Variants in IL7 observed in about 807,000 individuals in gnomAD.
The protein encoded by IL7 is interleukin 7, also known as interleukin-7.
In IL7, 3 loss-of-function variants were observed where a neutral mutation model predicts 21.6. The ratio of observed to expected loss-of-function variants is 0.14; its 90% CI spans 0.06 to 0.36. The LOEUF is 0.36. Ranked by LOEUF, IL7 falls within the 10% of genes least tolerant of loss-of-function variation. The pLI is 1.00. For synonymous variants in IL7, 62 were observed against 68.1 expected (o/e 0.91, Z 0.44); for missense variants, 175 against 200.2 (o/e 0.87, Z 0.76).
chr8:78,739,831 T>C (rs928047967), intron 3 of IL7, among the ~76,000 whole-genome samples, 171 bp downstream of exon 3: 3 of 152,154 alleles, frequency 2.0e-5, no homozygotes, highest in African/African-American at 7.2e-5. Flanking sequence ...CACAGGACTA[T>C]TTGTAAAACA....
At chr8:78,699,308 A>T (rs1810526141) in intron 3 of IL7, among the ~76,000 whole-genome samples, 1 of 152,164 alleles carries the variant, frequency 6.6e-6, no homozygotes, top group African/African-American at 2.4e-5. Context: ...AGATATTAAT[A>T]TAGAGCCATA....
At chr8:78,703,847 C>T (rs1563635825) in intron 3 of IL7, among the ~76,000 whole-genome samples, 2 of 152,064 alleles carry the variant, frequency 1.3e-5, no homozygotes, top group South Asian at 4.1e-4. Flanking sequence ...ATTTGGCAGA[C>T]TTGTTTATGT....
chr8:78,786,050 G>C (rs975722547), intron 2 of IL7, among the ~76,000 whole-genome samples: 1 of 152,172 alleles, frequency 6.6e-6, no homozygotes, highest in Non-Finnish European at 1.5e-5. Context: ...TGAGAAGAAG[G>C]TATAGAGATT....
intron 6 of IL7, chr8:78,718,953 CTTAGT>C (rs1304551479): frequency 1.3e-5 from 2 of 151,536 alleles, no homozygotes; most frequent in East Asian, 3.9e-4. Context: ...AATTTATTAG[CTTAGT>C]TTAGTTTGGG....
chr8:78,675,703 A>G, downstream of IL7: 3 of 1,282,460 alleles, frequency 2.3e-6, no homozygotes, highest in East Asian at 2.5e-5. Flanking sequence ...TAATTTACCT[A>G]TAAAACTAAG....
chr8:78,780,347 A>C (rs1813287847), intron 2 of IL7, among the ~76,000 whole-genome samples: 1 of 151,978 alleles, frequency 6.6e-6, no homozygotes, highest in African/African-American at 2.4e-5. Flanking sequence ...AGATCTTTCT[A>C]GCTTTTTAAT....
At chr8:78,763,272 A>G (rs1361795130) in intron 2 of IL7, among the ~76,000 whole-genome samples, 3 of 152,248 alleles carry the variant, frequency 2.0e-5, no homozygotes. Flanking sequence ...ATAAAAGTTA[A>G]TACCTTCAAA....
At chr8:78,727,008 A>G (rs762532905) in intron 3 of IL7, among the ~76,000 whole-genome samples, 2 of 151,998 alleles carry the variant, frequency 1.3e-5, no homozygotes, top group Non-Finnish European at 2.9e-5. Context: ...GGTTTGACAG[A>G]AGGTGCATAT....
downstream of IL7, chr8:78,717,307 A>AC (rs1192276243): frequency 6.3e-7 from 1 of 1,596,854 alleles, no homozygotes; most frequent in African/African-American, 1.4e-5. Context: ...TTATCTTTTC[A>AC]TTGTTTCTTT....
intron 2 of IL7, among the ~76,000 whole-genome samples, chr8:78,771,001 C>T (rs1333955082): frequency 2.6e-5 from 4 of 152,068 alleles, no homozygotes; most frequent in African/African-American, 9.7e-5. Context: ...CCACAACTTG[C>T]TGTCATAGAA....
chr8:78,784,605 T>C (rs1178501670), intron 2 of IL7, among the ~76,000 whole-genome samples: 1 of 152,126 alleles, frequency 6.6e-6, no homozygotes, highest in African/African-American at 2.4e-5. Flanking sequence ...AGTCAATAAA[T>C]ATTTATGAAG....
At chr8:78,803,798 C>T (rs1396739062) in intron 1 of IL7, among the ~76,000 whole-genome samples, 2 of 152,102 alleles carry the variant, frequency 1.3e-5, no homozygotes, top group Non-Finnish European at 2.9e-5. Context: ...CTTAGAAGTC[C>T]TCCATAATTA....
At chr8:78,687,510 A>G (rs1810030745) in intron 3 of IL7, among the ~76,000 whole-genome samples, 1 of 142,588 alleles carries the variant, frequency 7.0e-6, no homozygotes, top group South Asian at 2.1e-4. Context: ...AATAAATTAT[A>G]TATATTTATA....
At chr8:78,716,317 G>T (rs1226687319), downstream of IL7, among the ~76,000 whole-genome samples, 1 of 151,388 alleles carries the variant, frequency 6.6e-6, no homozygotes, top group South Asian at 2.1e-4. Flanking sequence ...TAGAGACGGG[G>T]TTTCACCATG....
intron 3 of IL7, among the ~76,000 whole-genome samples, chr8:78,708,962 G>A (rs542852936): frequency 1.9e-4 from 29 of 152,050 alleles, no homozygotes; most frequent in African/African-American, 6.3e-4. Flanking sequence ...CACCACGCCC[G>A]GCCAAAAGAT....
intron 2 of IL7, among the ~76,000 whole-genome samples, chr8:78,751,852 T>C (rs932494149): frequency 7.2e-5 from 11 of 152,248 alleles, no homozygotes; most frequent in Admixed American, 7.2e-4. Flanking sequence ...TGCTGCAGAA[T>C]GCCAGGGCTA....
downstream of IL7, among the ~76,000 whole-genome samples, chr8:78,730,406 A>T (rs1811403754): frequency 6.6e-6 from 1 of 151,970 alleles, no homozygotes; most frequent in Non-Finnish European, 1.5e-5. Context: ...GTCCTACGAT[A>T]TTTCCATAGA....
At chr8:78,785,819 C>G (rs1288687060) in intron 2 of IL7, among the ~76,000 whole-genome samples, 1 of 152,176 alleles carries the variant, frequency 6.6e-6, no homozygotes, top group Non-Finnish European at 1.5e-5. Context: ...TTATCACAGT[C>G]ACTTCTCTGT....
chr8:78,794,409 T>C (rs1222403869), intron 2 of IL7, among the ~76,000 whole-genome samples: 1 of 152,156 alleles, frequency 6.6e-6, no homozygotes, highest in African/African-American at 2.4e-5. Flanking sequence ...AGTTTTGCAT[T>C]GTCAATGAGC....
Sources: allele counts gnomAD v4.1 joint callset (sites outside exome capture counted in the v4.1 genomes callset), GRCh38; gene constraint gnomAD v4.1.1; transcripts MANE v1.5; gene names NCBI Gene and HGNC (gene_info 2026-07-23, HGNC 2026-07-21).